Variants in TMEM131 observed in about 807,000 individuals in gnomAD.
TMEM131 encodes transmembrane protein 131.
Under a neutral mutation model 211.6 loss-of-function variants are expected in TMEM131, and 66 were observed. That is an observed-to-expected ratio of 0.31 (90% CI 0.26 to 0.38). The LOEUF is 0.38. Among genes scored for constraint, TMEM131 ranks in the 10% least tolerant of loss-of-function variants. TMEM131 has a pLI of 1.00. For missense variants in TMEM131, 2,036 were observed against 2,299.3 expected (o/e 0.89, Z 2.34); for synonymous variants, 844 against 841.3 (o/e 1.00, Z -0.06).
At chr2:97,910,155 C>T (rs985653170) in intron 2 of TMEM131, among the ~76,000 whole-genome samples, 3 of 152,110 alleles carry the variant, frequency 2.0e-5, no homozygotes, top group Non-Finnish European at 4.4e-5. Context: ...TAGGGAAATG[C>T]AAATCAAAAC....
chr2:97,940,784 G>T (rs1353520279), intron 1 of TMEM131, among the ~76,000 whole-genome samples: 1 of 150,724 alleles, frequency 6.6e-6, no homozygotes, highest in African/African-American at 2.4e-5. Context: ...ACTCCAGCCT[G>T]GGCGACAGAG....
At chr2:97,960,842 G>A (rs1678781952) in intron 1 of TMEM131, among the ~76,000 whole-genome samples, 1 of 151,958 alleles carries the variant, frequency 6.6e-6, no homozygotes, top group Admixed American at 6.5e-5. Flanking sequence ...CATCCAAACA[G>A]AGTTAATACC....
chr2:97,839,351 C>G (rs2105088657), intron 7 of TMEM131, among the ~76,000 whole-genome samples: 1 of 116,838 alleles, frequency 8.6e-6, no homozygotes, highest in Non-Finnish European at 1.9e-5. Context: ...AACCAACCAA[C>G]CAACCAACCA....
intron 1 of TMEM131, among the ~76,000 whole-genome samples, chr2:97,978,878 T>TTTG (rs1313244466): frequency 6.6e-6 from 1 of 152,182 alleles, no homozygotes. Flanking sequence ...TTCAATGGAC[T>TTTG]TTGCCCAGAT....
At chr2:97,921,698 A>G (rs1357139660) in intron 2 of TMEM131, among the ~76,000 whole-genome samples, 1 of 152,228 alleles carries the variant, frequency 6.6e-6, no homozygotes, top group Non-Finnish European at 1.5e-5. Context: ...AAGAACCTCT[A>G]CAAAACAATG....
chr2:97,757,819 T>C (rs1261088596), intron 40 of TMEM131, among the ~76,000 whole-genome samples: 2 of 152,244 alleles, frequency 1.3e-5, no homozygotes, highest in Non-Finnish European at 2.9e-5. Flanking sequence ...ATGGCAGTGG[T>C]GAAGCATGGC....
At chr2:97,921,355 A>G (rs958551590) in intron 2 of TMEM131, among the ~76,000 whole-genome samples, 1 of 152,266 alleles carries the variant, frequency 6.6e-6, no homozygotes, top group Admixed American at 6.5e-5. Flanking sequence ...AATTTATTCC[A>G]GACAGAATTT....
intron 1 of TMEM131, among the ~76,000 whole-genome samples, chr2:97,968,582 A>G (rs930751188): frequency 5.9e-5 from 9 of 152,174 alleles, no homozygotes; most frequent in Non-Finnish European, 1.3e-4. Context: ...AGACAAAAAC[A>G]TAAGTTTCAG....
chr2:97,795,339 T>C (rs1680709499), intron 28 of TMEM131, among the ~76,000 whole-genome samples: 1 of 152,204 alleles, frequency 6.6e-6, no homozygotes, highest in Non-Finnish European at 1.5e-5. Flanking sequence ...AAAATAACAA[T>C]AATCAAATTC....
intron 3 of TMEM131, among the ~76,000 whole-genome samples, chr2:97,905,191 A>AT (rs796198183): frequency 1.6e-4 from 24 of 151,908 alleles, no homozygotes; most frequent in African/African-American, 5.5e-4. Context: ...AAATGTCTTC[A>AT]TTTTTTTTGA....
intron 1 of TMEM131, among the ~76,000 whole-genome samples, chr2:97,929,154 C>G (rs1677111747): frequency 6.6e-6 from 1 of 151,444 alleles, no homozygotes; most frequent in African/African-American, 2.4e-5. Context: ...ATGGAGCATC[C>G]TATAGTGCCG....
chr2:97,760,762 C>T (rs112464495), intron 37 of TMEM131, 31 bp downstream of exon 37: 18 of 1,613,558 alleles, frequency 1.1e-5, no homozygotes, highest in African/African-American at 5.3e-5. Context: ...TGGCGCCTGG[C>T]GTGGCAGGTC....
intron 24 of TMEM131, among the ~76,000 whole-genome samples, chr2:97,802,207 G>A (rs368913743): frequency 7.4e-4 from 113 of 152,254 alleles, no homozygotes; most frequent in African/African-American, 2.5e-3. Flanking sequence ...TTTTAGAAGG[G>A]AGTTCCATAT....
At chr2:97,914,617 A>G (rs2104393995) in intron 2 of TMEM131, among the ~76,000 whole-genome samples, 1 of 152,354 alleles carries the variant, frequency 6.6e-6, no homozygotes, top group East Asian at 1.9e-4. Flanking sequence ...GGTCATATAA[A>G]TGAAATCATG....
chr2:97,874,968 G>A (rs1674632769), intron 4 of TMEM131, among the ~76,000 whole-genome samples: 1 of 152,058 alleles, frequency 6.6e-6, no homozygotes, highest in Non-Finnish European at 1.5e-5. Flanking sequence ...CTGTACTCAG[G>A]AGACTCATCT....
chr2:97,822,074 A>G (rs1194022804), intron 11 of TMEM131, among the ~76,000 whole-genome samples: 3 of 152,200 alleles, frequency 2.0e-5, no homozygotes, highest in African/African-American at 7.2e-5. Flanking sequence ...AATGCCTGTC[A>G]GACAAACTTC....
chr2:97,793,284 T>C (rs1680591270), intron 30 of TMEM131, 111 bp downstream of exon 30: 1 of 1,181,970 alleles, frequency 8.5e-7, no homozygotes, highest in Admixed American at 2.5e-5. Flanking sequence ...GTAATCAGAA[T>C]TAAGATTTTT....
At chr2:97,943,462 G>A (rs915700167) in intron 1 of TMEM131, among the ~76,000 whole-genome samples, 3 of 152,010 alleles carry the variant, frequency 2.0e-5, no homozygotes, top group South Asian at 2.1e-4. Context: ...TATACATCTC[G>A]AACAAGTACA....
At chr2:97,974,431 T>A (rs2104614910) in intron 1 of TMEM131, among the ~76,000 whole-genome samples, 1 of 151,558 alleles carries the variant, frequency 6.6e-6, no homozygotes, top group East Asian at 1.9e-4. Flanking sequence ...ACAGGAAAAA[T>A]GTTTAAAGAA....
Sources: allele counts gnomAD v4.1 joint callset (sites outside exome capture counted in the v4.1 genomes callset), GRCh38; gene constraint gnomAD v4.1.1; transcripts MANE v1.5; gene names NCBI Gene and HGNC (gene_info 2026-07-23, HGNC 2026-07-21).